Variants in MAN2A1 observed in about 807,000 individuals in gnomAD.
MAN2A1 encodes mannosidase alpha class 2A member 1.
MAN2A1 carries 76 observed loss-of-function variants against 142.6 expected under a neutral mutation model. That is an observed-to-expected ratio of 0.53 (90% CI 0.44 to 0.65). The LOEUF (loss-of-function observed/expected upper bound fraction) is 0.65, where lower values mean the gene tolerates loss of function less well. Among genes scored for constraint, MAN2A1 ranks in the 30% least tolerant of loss-of-function variants. The pLI is 0.00. For synonymous variants in MAN2A1, 559 were observed against 473.2 expected (o/e 1.18, Z -2.35); for missense variants, 1,311 against 1,365.1 (o/e 0.96, Z 0.62).
At chr5:109,718,619 C>T (rs1407069128) in intron 3 of MAN2A1, among the ~76,000 whole-genome samples, 1 of 152,124 alleles carries the variant, frequency 6.6e-6, no homozygotes, top group East Asian at 1.9e-4. Flanking sequence ...GAATAATTGC[C>T]AAATAAATAA....
At position 109,869,030 on chromosome 5, in the gene MAN2A1, C is replaced by G. The variant is rs948927914; in HGVS notation, c.*2032C>G. 1.3e-5 allele frequency: 2 copies of G among 152,188 alleles called. No homozygotes were observed. Among genetic ancestry groups the G allele is most frequent in the African/African-American group, 2.4e-5 (1 of 41,444 alleles). The allele number at this position is 152,188 out of a possible 1,614,324, so 9.4% of individuals were successfully genotyped here. A position where few individuals can be genotyped will look rare whatever the true frequency, so the allele number is the denominator to read the frequency against. On this transcript the variant is annotated 3_prime_UTR_variant, in exon 22 of 22. Transcript: ENST00000261483. ...CATGTCAGTCTGGGGTTTTATTCAG[C>G]TTGTGTTGCTACCAGCAGTTCACAG...
intron 16 of MAN2A1, among the ~76,000 whole-genome samples, chr5:109,832,421 C>T (rs1408122993): frequency 6.6e-6 from 1 of 151,860 alleles, no homozygotes; most frequent in Non-Finnish European, 1.5e-5. Context: ...CAAACCACAT[C>T]CTGCACCGCC....
intron 4 of MAN2A1, among the ~76,000 whole-genome samples, chr5:109,751,851 C>T (rs935686109): frequency 3.3e-5 from 5 of 151,928 alleles, no homozygotes; most frequent in Non-Finnish European, 5.9e-5. Flanking sequence ...TCTCCTTTTG[C>T]TTGTTTTTTG....
chr5:109,845,410 G>T (rs574976209), intron 17 of MAN2A1, among the ~76,000 whole-genome samples: 37 of 152,230 alleles, frequency 2.4e-4, no homozygotes, highest in Non-Finnish European at 5.0e-4. Context: ...AAGATTTGGT[G>T]CAGAGACCTG....
chr5:109,713,945 G>A (rs148691087), intron 2 of MAN2A1, among the ~76,000 whole-genome samples, 171 bp downstream of exon 2: 49 of 151,938 alleles, frequency 3.2e-4, no homozygotes, highest in African/African-American at 1.2e-3. Flanking sequence ...TCTGTTTAGT[G>A]ATAAAATTCC....
At chr5:109,801,561 T>C (rs1754032808) in intron 12 of MAN2A1, among the ~76,000 whole-genome samples, 1 of 152,128 alleles carries the variant, frequency 6.6e-6, no homozygotes, top group African/African-American at 2.4e-5. Flanking sequence ...GGTTGTTGGG[T>C]AGGAAGGAGC....
chr5:109,794,999 A>C (rs1753824880), intron 12 of MAN2A1, among the ~76,000 whole-genome samples: 1 of 152,112 alleles, frequency 6.6e-6, no homozygotes. Flanking sequence ...GACTGAATGG[A>C]ATATGTTATA....
intron 3 of MAN2A1, among the ~76,000 whole-genome samples, chr5:109,726,242 A>C (rs1043513873): frequency 1.3e-5 from 2 of 152,180 alleles, no homozygotes; most frequent in Non-Finnish European, 2.9e-5. Flanking sequence ...ATCCCCTACC[A>C]CTTTTTATAA....
intron 5 of MAN2A1, among the ~76,000 whole-genome samples, chr5:109,756,023 C>A (rs1305102589): frequency 2.0e-5 from 3 of 151,856 alleles, no homozygotes; most frequent in Non-Finnish European, 2.9e-5. Context: ...CTAGTTGGCC[C>A]AACTTGAGTC....
intron 12 of MAN2A1, among the ~76,000 whole-genome samples, chr5:109,795,966 T>C (rs1018900261): frequency 6.6e-6 from 1 of 152,220 alleles, no homozygotes; most frequent in African/African-American, 2.4e-5. Flanking sequence ...GCCAATGTAC[T>C]TCCCTCCCTC....
At chr5:109,866,457 T>G (rs754509885) in intron 21 of MAN2A1, among the ~76,000 whole-genome samples, 38 of 152,080 alleles carry the variant, frequency 2.5e-4, no homozygotes, top group Non-Finnish European at 4.6e-4. Context: ...TAAAAGAGAA[T>G]GAGGATGTTT....
chr5:109,857,158 G>A (rs1019449645), intron 20 of MAN2A1, among the ~76,000 whole-genome samples: 1 of 152,198 alleles, frequency 6.6e-6, no homozygotes, highest in African/African-American at 2.4e-5. Flanking sequence ...TGAAGGCCCT[G>A]AGGCCGGAGA....
chr5:109,846,278 T>C (rs1755342709), intron 18 of MAN2A1, among the ~76,000 whole-genome samples: 1 of 152,232 alleles, frequency 6.6e-6, no homozygotes, highest in Non-Finnish European at 1.5e-5. Context: ...CCTAATAGTA[T>C]GTATTTTGCA....
At chr5:109,740,177 TC>T (rs1752226666) in intron 4 of MAN2A1, among the ~76,000 whole-genome samples, 1 of 152,154 alleles carries the variant, frequency 6.6e-6, no homozygotes, top group South Asian at 2.1e-4. Context: ...ACTTACAACG[TC>T]TCCTTAGTTC....
At chr5:109,781,658 TG>T (rs1753461627) in intron 9 of MAN2A1, 60 bp downstream of exon 9, 1 of 1,208,352 alleles carries the variant, frequency 8.3e-7, no homozygotes, top group Non-Finnish European at 1.1e-6. Flanking sequence ...ATAATCTTTT[TG>T]TAGAGTTTTA....
At chr5:109,803,620 C>T (rs1239261206) in intron 12 of MAN2A1, among the ~76,000 whole-genome samples, 2 of 151,912 alleles carry the variant, frequency 1.3e-5, no homozygotes, top group Non-Finnish European at 2.9e-5. Context: ...GCAGAATTGT[C>T]ATGGAAAGTA....
intron 3 of MAN2A1, among the ~76,000 whole-genome samples, chr5:109,722,475 T>G (rs1013847734): frequency 1.3e-5 from 2 of 152,102 alleles, no homozygotes; most frequent in Non-Finnish European, 2.9e-5. Context: ...AGTGCAGTGG[T>G]GCAATCTCAG....
chr5:109,815,629 G>A (rs1754435792), intron 12 of MAN2A1, among the ~76,000 whole-genome samples: 1 of 152,100 alleles, frequency 6.6e-6, no homozygotes, highest in Non-Finnish European at 1.5e-5. Context: ...CATGGATTTT[G>A]TGTTATATCC....
intron 18 of MAN2A1, 140 bp from the exon 19 acceptor site, chr5:109,847,517 G>C: frequency 1.7e-6 from 1 of 594,490 alleles, no homozygotes; most frequent in Non-Finnish European, 2.6e-6. Flanking sequence ...CCATGGTGTA[G>C]TGGGTTGTAT....
Sources: allele counts gnomAD v4.1 joint callset (sites outside exome capture counted in the v4.1 genomes callset), GRCh38; gene constraint gnomAD v4.1.1; transcripts MANE v1.5; gene names NCBI Gene and HGNC (gene_info 2026-07-23, HGNC 2026-07-21).